OTP: variants seen among roughly 807,000 people sequenced by gnomAD.
The protein encoded by OTP is homeobox protein orthopedia.
In OTP, 5 loss-of-function variants were observed where a neutral mutation model predicts 22.3. That is an observed-to-expected ratio of 0.22 (90% confidence interval 0.12 to 0.47). The LOEUF (loss-of-function observed/expected upper bound fraction) is 0.47. Ranked by LOEUF, OTP falls within the 20% of genes least tolerant of loss-of-function variation. The probability of loss-of-function intolerance (pLI) is 0.99; values close to 1 mark genes in which losing one functional copy is unlikely to be tolerated. For missense variants in OTP, 428 were observed against 456.2 expected, an observed-to-expected ratio of 0.94 and a Z score of 0.56; for synonymous variants, 229 against 210.6, an observed-to-expected ratio of 1.09 and a Z score of -0.76.
In OTP at chr5:77,630,718, A is replaced by G; in HGVS notation, c.524T>C (p.Leu175Pro). ...CTGAGGCAGGCCTGGCGTGGGCAGCAGTGTGCCGGGCGCACGGAACACGTT... is the reference window on the plus strand; with the variant it reads ...CTGAGGCAGGCCTGGCGTGGGCAGCGGTGTGCCGGGCGCACGGAACACGTT... ...TTNVFRAPGT[L>P]LPTPGLPQFP... Residue 175 changes from leucine (L) to proline (P), a missense_variant, in exon 3 of 3, where the codon CTG becomes CCG. By Grantham distance (98) the Leu-to-Pro change is moderately conservative (BLOSUM62 -3). This residue lies in a region of OTP where 236 missense variants were observed against 238.1 expected (regional missense o/e 0.99). Coordinates refer to ENST00000306422, the MANE Select transcript of OTP (RefSeq NM_032109.3). The G allele has an allele frequency of 1.3e-6, 2 of 1,583,824 alleles. No homozygotes were observed. The highest frequency in any genetic ancestry group is 1.1e-5 in the South Asian group (1 of 89,298).
At position 77,630,484 on chromosome 5, in the gene OTP, G is replaced by T; in HGVS notation, c.758C>A (p.Ser253Tyr). The change falls in exon 3 of 3, where the codon TCC becomes TAC. Residue 253 changes from serine to tyrosine, a missense_variant. This residue lies in a region of OTP where 236 missense variants were observed against 238.1 expected (regional missense o/e 0.99). Transcript: ENST00000306422. ...AGPPPNSMGL[S>Y]NSLAGSNGAG... ...GCCGTTGGAACCCGCCAGGCTGTTG[G>T]ACAGGCCCATGGAGTTGGGCGGCGG... is the stretch of plus-strand genomic sequence containing the variant. The T allele has an allele frequency of 6.3e-7, 1 of 1,593,854 alleles. No individual in the cohort carries two copies.
chr5:77,634,436 A>G (rs987673719), intron 2 of OTP, among the ~76,000 whole-genome samples: 4 of 152,034 alleles, frequency 2.6e-5, no homozygotes, highest in Non-Finnish European at 4.4e-5. Flanking sequence ...TACCAAATAA[A>G]GATAAAAAAT....
At chr5:77,636,477 C>T (rs2112372482) in intron 2 of OTP, 3 of 286,768 alleles carry the variant, frequency 1.0e-5, no homozygotes, top group South Asian at 2.0e-4. Context: ...ATAATGCGAG[C>T]AGGAGTTGAG....
intron 2 of OTP, chr5:77,636,069 C>T (rs1171028066): frequency 5.9e-5 from 9 of 152,192 alleles, no homozygotes; most frequent in African/African-American, 2.2e-4. Flanking sequence ...TCCTCTACTG[C>T]CTGTCAACCT....
At position 77,630,594 on chromosome 5, in the gene OTP, G is replaced by A; in HGVS notation, c.648C>T (p.Gly216=). 6.4e-7 allele frequency: 1 copy of A among 1,558,024 alleles called. No individual in the cohort carries two copies. The highest frequency in any genetic ancestry group is 1.7e-4 in the Middle Eastern group (1 of 5,896). The part of the protein sequence containing the change: ...DTRWAAAAMP[G]VSQLPLPPAL... ...CCGGCGGCAGAGGCAGCTGTGACAC[G>A]CCAGGCATGGCGGCCGCCGCCCAGC... Residue 216 remains glycine, a synonymous_variant, in exon 3 of 3, where the codon GGC becomes GGT. Transcript: ENST00000306422.
intron 2 of OTP, 21 bp downstream of exon 2, chr5:77,636,800 C>A: frequency 6.3e-7 from 1 of 1,593,694 alleles, no homozygotes; most frequent in South Asian, 1.1e-5. Flanking sequence ...CCTTCTGTCC[C>A]AGATCCCAAG....
Position 77,637,579 on chromosome 5 carries a change from G to A in OTP, c.38-349C>T, listed in dbSNP as rs1454631483. On this transcript the variant is annotated intron_variant, in intron 1 of 2. Coordinates refer to ENST00000306422, the MANE Select transcript of OTP (RefSeq NM_032109.3). ...CCAGGAAATCGAGAGCAAATCTTTGGACACAGGGGTGCGGGGGGCAGAAAG... is the reference window on the plus strand; with the variant it reads ...CCAGGAAATCGAGAGCAAATCTTTGAACACAGGGGTGCGGGGGGCAGAAAG... 2.6e-5 allele frequency among the ~76,000 whole-genome samples: 4 copies of A among 152,298 alleles called. No homozygotes were observed. The East Asian group carries it at 7.7e-4, about 29-fold the overall frequency.
rs1744880832 is a variant in OTP at position 77,629,392 on chromosome 5, GATAAA to G, written c.*867_*871del. The G allele has an allele frequency of 1.3e-5, 2 of 152,124 alleles. No homozygotes were observed. The highest frequency in any genetic ancestry group is 6.5e-5 in the Admixed American group (1 of 15,278). The allele number at this position is 152,124 out of a possible 1,614,324, so 9.4% of individuals were successfully genotyped here. A position where few individuals can be genotyped will look rare whatever the true frequency, so the allele number is the denominator to read the frequency against. The stretch of plus-strand genomic sequence containing the variant: ...GTTGTGCTTAAGAAAATGAAAATAA[GATAAA>G]ATAAAAATAAAAGCGTTATCTTGCA... On this transcript the variant is annotated 3_prime_UTR_variant, in exon 3 of 3. Transcript: ENST00000306422.
rs771910784 is a variant in OTP at position 77,636,981 on chromosome 5, C to G, written c.287G>C (p.Gly96Ala). The G allele has an allele frequency of 2.5e-6, 4 of 1,613,790 alleles. No homozygotes were observed. In the African/African-American group the frequency reaches 5.3e-5, roughly 22 times the overall value. The change falls in exon 2 of 3, where the codon GGC (glycine) becomes GCC (alanine). Residue 96 changes from glycine to alanine, a missense_variant. Gly to Ala is a moderately conservative substitution (Grantham distance 60). This residue lies in a region of OTP where 176 missense variants were observed against 162.9 expected (regional missense o/e 1.08). Coordinates refer to ENST00000306422, the MANE Select transcript of OTP (RefSeq NM_032109.3). ...PQGGPNPSQA[G>A]QQQGQQKQKR... Reference sequence around the variant, plus strand: ...CTGCTTCTGTTGGCCCTGCTGCTGGCCGGCTTGGCTGGGGTTCGGGCCGCC... The same window carrying G: ...CTGCTTCTGTTGGCCCTGCTGCTGGGCGGCTTGGCTGGGGTTCGGGCCGCC...
rs1468551641 is a variant in OTP, at chr5:77,628,785, A to G, written c.*1479T>C. ...ATAAACTTGTCCGGAAAAGTCAAAT[A>G]ATATGCTTTATATTAGCTCAAACAT... On this transcript the variant is annotated 3_prime_UTR_variant, in exon 3 of 3. Coordinates refer to ENST00000306422, the MANE Select transcript of OTP (RefSeq NM_032109.3). 1 of 152,576 alleles carries G rather than the reference A, an allele frequency of 6.6e-6. No homozygotes were observed. Among genetic ancestry groups the G allele is most frequent in the Non-Finnish European group, 1.5e-5 (1 of 68,050 alleles). 9.5% of individuals were successfully genotyped at this position (152,576 alleles called of 1,614,324 possible). A position where few individuals can be genotyped will look rare whatever the true frequency, so the allele number is the denominator to read the frequency against.
Position 77,630,638 on chromosome 5 carries a change from A to G in OTP, c.604T>C (p.Phe202Leu). The change falls in exon 3 of 3, where the codon TTC becomes CTC. Residue 202 changes from phenylalanine to leucine, a missense_variant. By Grantham distance (22) the Phe-to-Leu change is conservative. Coordinates refer to ENST00000306422, the MANE Select transcript of OTP (RefSeq NM_032109.3). ...GCCCAGCGGGTGTCGTTGGCGTGGA[A>G]AGAGCACAGGCTGTCGCCCATGGCG... ...AAAMGDSLCSFHANDTRWAAA... is the reference protein window; with the variant it reads ...AAAMGDSLCSLHANDTRWAAA... 1 of 1,569,300 alleles carries G rather than the reference A, an allele frequency of 6.4e-7. No individual in the cohort carries two copies. The highest frequency in any genetic ancestry group is 2.3e-5 in the East Asian group (1 of 43,072).
Position 77,630,593 on chromosome 5 carries a change from C to A in OTP, c.649G>T (p.Val217Leu). The A allele has an allele frequency of 6.4e-7, 1 of 1,560,518 alleles. No homozygotes were observed. Among genetic ancestry groups the A allele is most frequent in the East Asian group, 2.4e-5 (1 of 42,400 alleles). ...GCCGGCGGCAGAGGCAGCTGTGACA[C>A]GCCAGGCATGGCGGCCGCCGCCCAG... Reference protein sequence around the residue: ...TRWAAAAMPGVSQLPLPPALG... With the variant: ...TRWAAAAMPGLSQLPLPPALG... Residue 217 changes from valine (V) to leucine (L), a missense_variant, in exon 3 of 3, where the codon GTG becomes TTG. By Grantham distance (32) the Val-to-Leu change is conservative. This residue lies in a region of OTP where 236 missense variants were observed against 238.1 expected (regional missense o/e 0.99). Coordinates refer to ENST00000306422, the MANE Select transcript of OTP (RefSeq NM_032109.3).
In OTP at chr5:77,630,212, G is replaced by C. The variant is rs1248791402; in HGVS notation, c.*52C>G. The C allele has an allele frequency of 1.5e-6, 2 of 1,312,702 alleles. No homozygotes were observed. The highest frequency in any genetic ancestry group is 2.0e-6 in the Non-Finnish European group (2 of 1,016,014). 81.3% of individuals were successfully genotyped at this position (1,312,702 alleles called of 1,614,324 possible). On this transcript the variant is annotated 3_prime_UTR_variant, in exon 3 of 3. Transcript: ENST00000306422. ...CCGGGTGCGCGCCGGAAGGGCCTCG[G>C]GGCGGCCCCCGGGGCGGTGCTGGGG...
chr5:77,632,636 C>G (rs951474673), intron 2 of OTP, among the ~76,000 whole-genome samples: 1 of 152,158 alleles, frequency 6.6e-6, no homozygotes, highest in Non-Finnish European at 1.5e-5. Context: ...AGAATACTCC[C>G]CCAGCTTGGG....
intron 2 of OTP, 125 bp from the exon 3 acceptor site, chr5:77,630,919 C>T: frequency 1.8e-6 from 2 of 1,124,000 alleles, no homozygotes; most frequent in Non-Finnish European, 2.4e-6. Flanking sequence ...GAACAAGTGC[C>T]GTAGGCCCGA....
chr5:77,636,064 T>C (rs1745002166), intron 2 of OTP: 1 of 152,346 alleles, frequency 6.6e-6, no homozygotes, highest in East Asian at 1.9e-4. Context: ...TGATTTCCTC[T>C]ACTGCCTGTC....
intron 2 of OTP, among the ~76,000 whole-genome samples, chr5:77,634,240 A>G (rs1012797539): frequency 1.3e-5 from 2 of 152,232 alleles, no homozygotes; most frequent in Non-Finnish European, 2.9e-5. Context: ...AATTTGCATG[A>G]TTCTCACATT....
intron 2 of OTP, 35 bp from the exon 3 acceptor site, chr5:77,630,829 T>TA: frequency 6.7e-7 from 1 of 1,492,766 alleles, no homozygotes; most frequent in Non-Finnish European, 8.8e-7. Flanking sequence ...GACAGGGAGC[T>TA]ATTAGCCGGC....
chr5:77,632,129 C>T (rs1424488466), intron 2 of OTP, among the ~76,000 whole-genome samples: 4 of 150,680 alleles, frequency 2.7e-5, no homozygotes, highest in Admixed American at 1.3e-4. Context: ...AACAGTGGCC[C>T]GGGAGTTACA....
Sources: allele counts gnomAD v4.1 joint callset (sites outside exome capture counted in the v4.1 genomes callset), GRCh38; gene constraint gnomAD v4.1.1; regional missense constraint gnomAD v4.1.1; transcripts MANE v1.5; gene names NCBI Gene and HGNC (gene_info 2026-07-23, HGNC 2026-07-21).